The following TEX14 variants were observed in gnomAD, a reference collection of about 807,000 sequenced individuals.
TEX14 encodes testis expressed 14, intercellular bridge forming factor.
A neutral mutation model predicts 178.6 loss-of-function variants in TEX14; 168 were observed. That is an observed-to-expected ratio of 0.94 (90% CI 0.83 to 1.07). The LOEUF (loss-of-function observed/expected upper bound fraction) is 1.07, where lower values mean the gene tolerates loss of function less well. Ranked by LOEUF, TEX14 falls within the 50% of genes least tolerant of loss-of-function variation. The pLI, the probability that TEX14 is intolerant of heterozygous loss-of-function variation, is 0.00. For missense variants in TEX14, 1,730 were observed against 1,753.6 expected, an observed-to-expected ratio of 0.99 and a Z score of 0.24; for synonymous variants, 626 against 634.1, an observed-to-expected ratio of 0.99 and a Z score of 0.19.
intron 14 of TEX14, among the ~76,000 whole-genome samples, chr17:58,593,921 G>A (rs1195386783): frequency 2.0e-5 from 3 of 152,066 alleles, no homozygotes; most frequent in Non-Finnish European, 4.4e-5. Flanking sequence ...TGCAACCTCC[G>A]CCTCTCAGGT....
At position 58,670,433 on chromosome 17, in the gene TEX14, A is replaced by C. The variant is rs144548880; in HGVS notation, c.-1-18431T>G. Among the ~76,000 whole-genome samples the C allele has an allele frequency of 1.1e-3, 174 of 152,118 alleles. 1 individual carries two copies. The highest frequency in any genetic ancestry group is 3.0e-3 in the African/African-American group (123 of 41,528). On this transcript the variant is annotated intron_variant, in intron 1 of 31. Transcript: ENST00000349033. ...TAAACTTTGGGAAGATTAAAAAAAA[A>C]AACAACAAACAGCTTTGGGAAGGTA...
intron 15 of TEX14, among the ~76,000 whole-genome samples, chr17:58,592,242 T>G (rs1357616120): frequency 2.6e-5 from 4 of 151,908 alleles, no homozygotes; most frequent in Non-Finnish European, 5.9e-5. Flanking sequence ...TTTAATTTTT[T>G]TTTTTGAGTC....
chr17:58,626,763 C>T (rs1034477120), intron 3 of TEX14, among the ~76,000 whole-genome samples: 1 of 151,168 alleles, frequency 6.6e-6, no homozygotes, highest in Non-Finnish European at 1.5e-5. Context: ...CCCAGGTACT[C>T]GGGAGGGTGA....
chr17:58,567,520 T>A (rs1200191250), intron 26 of TEX14, among the ~76,000 whole-genome samples: 1 of 152,234 alleles, frequency 6.6e-6, no homozygotes, highest in Non-Finnish European at 1.5e-5. Context: ...ATCCTAGTTC[T>A]AAAGAACCTT....
chr17:58,672,698 A>G (rs1217807683), intron 1 of TEX14, among the ~76,000 whole-genome samples: 1 of 151,848 alleles, frequency 6.6e-6, no homozygotes, highest in East Asian at 1.9e-4. Flanking sequence ...CTGGGATTAC[A>G]ACTGTGAGCC....
chr17:58,631,214 C>A (rs1423813286), intron 2 of TEX14: 1 of 888,590 alleles, frequency 1.1e-6, no homozygotes, highest in Non-Finnish European at 1.3e-6. Context: ...GTAATGCCAG[C>A]TCTTTGGGAA....
At chr17:58,559,881 C>T (rs1238658193) in intron 29 of TEX14, among the ~76,000 whole-genome samples, 3 of 152,182 alleles carry the variant, frequency 2.0e-5, no homozygotes, top group African/African-American at 4.8e-5. Context: ...CTGCCTTAGA[C>T]TCTGCTTTCA....
At chr17:58,574,569 G>A (rs541379683) in intron 21 of TEX14, among the ~76,000 whole-genome samples, 2 of 151,496 alleles carry the variant, frequency 1.3e-5, no homozygotes, top group African/African-American at 4.8e-5. Context: ...CCAGCTACTC[G>A]GGAGGCTGAG....
intron 1 of TEX14, among the ~76,000 whole-genome samples, chr17:58,681,132 C>T (rs931612685): frequency 8.6e-5 from 13 of 151,794 alleles, no homozygotes; most frequent in Non-Finnish European, 1.9e-4. Context: ...ATAAATTAGC[C>T]GGGCATGCTG....
chr17:58,618,908 C>T (rs1228882654), intron 5 of TEX14, among the ~76,000 whole-genome samples: 2 of 152,244 alleles, frequency 1.3e-5, no homozygotes, highest in African/African-American at 4.8e-5. Flanking sequence ...TTCCCTTTCA[C>T]TCTCGAAACA....
rs10699411 is a variant in TEX14 at position 58,559,641 on chromosome 17, A to AAACAACAAC, written c.4158-88_4158-80dup. On this transcript the variant is annotated intron_variant, in intron 29 of 31. Transcript: ENST00000349033. Reference sequence around the variant, plus strand: ...CAGGACTGTACTCAAAACAAAAAACAAACAACAACAACAACAACAACAAAA... The same window carrying AAACAACAAC: ...CAGGACTGTACTCAAAACAAAAAACAAACAACAACAACAACAACAACAACAACAACAAAA... The AAACAACAAC allele has an allele frequency of 1.5e-4, 107 of 698,116 alleles. 2 individuals carry two copies. The South Asian group carries it at 1.8e-3, about 12-fold the overall frequency. The allele number at this position is 698,116 out of a possible 1,614,324, so 43.2% of individuals were successfully genotyped here. A position where few individuals can be genotyped will look rare whatever the true frequency, so the allele number is the denominator to read the frequency against.
intron 13 of TEX14, among the ~76,000 whole-genome samples, chr17:58,599,878 G>C (rs1001241590): frequency 3.9e-5 from 6 of 152,202 alleles, no homozygotes; most frequent in African/African-American, 1.4e-4. Context: ...TTTTGACATG[G>C]AATGAGGCAG....
chr17:58,599,010 T>C lies in TEX14; in HGVS notation c.2335A>G (p.Thr779Ala), dbSNP rs1398149275. 6.2e-7 allele frequency: 1 copy of C among 1,614,212 alleles called. No homozygotes were observed. Among genetic ancestry groups the C allele is most frequent in the Non-Finnish European group, 8.5e-7 (1 of 1,180,026 alleles). ...GCCAGAGGTAACTTGTAGGCATTTG[T>C]AAACTCTCTTGAAGTGGCCCATAAA... ...MSLWATSREF[T>A]NAYKLPLAVG... Residue 779 changes from threonine to alanine, a missense_variant, in exon 14 of 32, where the codon ACA becomes GCA. By Grantham distance (58) the Thr-to-Ala change is moderately conservative (BLOSUM62 0). Coordinates refer to ENST00000349033, the MANE Select transcript of TEX14 (RefSeq NM_031272.5).
chr17:58,655,922 C>T (rs1488351582), intron 1 of TEX14, among the ~76,000 whole-genome samples: 1 of 152,204 alleles, frequency 6.6e-6, no homozygotes, highest in African/African-American at 2.4e-5. Flanking sequence ...TTGGCCTCCT[C>T]AGAGGCCCTG....
chr17:58,631,532 A>G (rs2046289824), intron 2 of TEX14: 1 of 152,032 alleles, frequency 6.6e-6, no homozygotes, highest in African/African-American at 2.4e-5. Context: ...ATATGCATAT[A>G]TACACAACAC....
At chr17:58,607,033 A>T (rs998459371) in intron 10 of TEX14, among the ~76,000 whole-genome samples, 2 of 151,154 alleles carry the variant, frequency 1.3e-5, no homozygotes, top group Non-Finnish European at 2.9e-5. Context: ...AAAAAAAAAA[A>T]AAAGGAAGGA....
intron 11 of TEX14, 77 bp from the exon 12 acceptor site, chr17:58,602,667 G>T: frequency 8.1e-7 from 1 of 1,233,818 alleles, no homozygotes; most frequent in South Asian, 1.5e-5. Flanking sequence ...ATCAGATGAA[G>T]CTGGGTAACC....
intron 2 of TEX14, among the ~76,000 whole-genome samples, chr17:58,639,381 A>G (rs1234064090): frequency 1.3e-5 from 2 of 151,922 alleles, no homozygotes; most frequent in Admixed American, 6.6e-5. Context: ...GGGTGTACCA[A>G]AATCTCACAA....
chr17:58,662,189 C>T (rs1598428192), intron 1 of TEX14, among the ~76,000 whole-genome samples: 1 of 151,372 alleles, frequency 6.6e-6, no homozygotes, highest in East Asian at 2.0e-4. Flanking sequence ...CGGTGGCTCA[C>T]TCCTGTAATC....
Sources: allele counts gnomAD v4.1 joint callset (sites outside exome capture counted in the v4.1 genomes callset), GRCh38; gene constraint gnomAD v4.1.1; transcripts MANE v1.5; gene names NCBI Gene and HGNC (gene_info 2026-07-23, HGNC 2026-07-21).